The following GRIK1 variants were observed in gnomAD, a reference collection of about 807,000 sequenced individuals.
The protein encoded by GRIK1 is glutamate ionotropic receptor kainate type subunit 1, also known as glutamate receptor ionotropic, kainate 1.
A neutral mutation model predicts 105.7 loss-of-function variants in GRIK1; 69 were observed. The observed-to-expected ratio is 0.65, with a 90% CI of 0.54 to 0.80. GRIK1 has a LOEUF of 0.80. Among genes scored for constraint, GRIK1 ranks in the 30% least tolerant of loss-of-function variants. The pLI is 0.00. For synonymous variants in GRIK1, 438 were observed against 431.3 expected, an observed-to-expected ratio of 1.02 and a Z score of -0.19; for missense variants, 1,109 against 1,167.3, an observed-to-expected ratio of 0.95 and a Z score of 0.73.
intron 1 of GRIK1, among the ~76,000 whole-genome samples, chr21:29,730,804 C>A (rs1223434173): frequency 6.6e-6 from 1 of 152,074 alleles, no homozygotes; most frequent in African/African-American, 2.4e-5. Context: ...TTAGCCTACA[C>A]TTTTGTCCTA....
chr21:29,782,293 A>G (rs567175598), intron 1 of GRIK1, among the ~76,000 whole-genome samples: 25 of 151,988 alleles, frequency 1.6e-4, no homozygotes, highest in Non-Finnish European at 2.5e-4. Context: ...TCACCGTGTT[A>G]GCCAGGATGG....
intron 1 of GRIK1, among the ~76,000 whole-genome samples, chr21:29,855,314 C>G (rs558801998): frequency 6.6e-6 from 1 of 152,110 alleles, no homozygotes; most frequent in South Asian, 2.1e-4. Context: ...TCTATAGAGA[C>G]AATTAAAATA....
chr21:29,890,589 G>A (rs553257546), intron 1 of GRIK1, among the ~76,000 whole-genome samples: 1 of 152,166 alleles, frequency 6.6e-6, no homozygotes, highest in African/African-American at 2.4e-5. Context: ...AATAACACAT[G>A]TTGTATAATA....
chr21:29,591,636 G>A (rs2061335727), intron 9 of GRIK1, among the ~76,000 whole-genome samples: 2 of 152,084 alleles, frequency 1.3e-5, no homozygotes, highest in African/African-American at 4.8e-5. Context: ...CTTCCCTTGT[G>A]GAGCTTACAT....
At chr21:29,743,271 A>T (rs923824334) in intron 1 of GRIK1, among the ~76,000 whole-genome samples, 3 of 152,216 alleles carry the variant, frequency 2.0e-5, no homozygotes, top group Non-Finnish European at 2.9e-5. Context: ...GCTTTAAAAA[A>T]TTTCAAAATA....
chr21:29,863,246 C>A (rs189487660), intron 1 of GRIK1, among the ~76,000 whole-genome samples: 1 of 152,110 alleles, frequency 6.6e-6, no homozygotes, highest in African/African-American at 2.4e-5. Flanking sequence ...TCTTGATATC[C>A]GTTGCTAGAA....
intron 1 of GRIK1, among the ~76,000 whole-genome samples, chr21:29,888,947 T>C (rs771929596): frequency 3.9e-5 from 6 of 152,202 alleles, no homozygotes. Flanking sequence ...TATTCCATCC[T>C]GTTTTTTTGT....
At chr21:29,623,713 A>G (rs1280406734) in intron 7 of GRIK1, among the ~76,000 whole-genome samples, 1 of 152,222 alleles carries the variant, frequency 6.6e-6, no homozygotes, top group Admixed American at 6.5e-5. Flanking sequence ...ATTAATTTCA[A>G]AAGTTCATAC....
intron 1 of GRIK1, among the ~76,000 whole-genome samples, chr21:29,762,968 T>A (rs1187926547): frequency 2.0e-5 from 3 of 152,256 alleles, no homozygotes; most frequent in African/African-American, 7.2e-5. Context: ...CTCCCATTCC[T>A]CCAGGTTTCT....
At chr21:29,835,474 T>C (rs929643277) in intron 1 of GRIK1, among the ~76,000 whole-genome samples, 3 of 152,190 alleles carry the variant, frequency 2.0e-5, no homozygotes, top group Non-Finnish European at 4.4e-5. Flanking sequence ...AGACTGTTCA[T>C]CAAATCCACT....
At chr21:29,721,594 T>A in intron 1 of GRIK1, among the ~76,000 whole-genome samples, 3 of 138,024 alleles carry the variant, frequency 2.2e-5, no homozygotes, top group African/African-American at 5.7e-5. Context: ...AGCAGGAGAA[T>A]ACATACCAAA....
At chr21:29,633,977 C>T (rs147786725) in intron 7 of GRIK1, among the ~76,000 whole-genome samples, 1 of 152,246 alleles carries the variant, frequency 6.6e-6, no homozygotes, top group East Asian at 1.9e-4. Flanking sequence ...GATCAAATGG[C>T]ATGCATTAAT....
chr21:29,754,377 G>A (rs1475840711), intron 1 of GRIK1, among the ~76,000 whole-genome samples: 1 of 152,106 alleles, frequency 6.6e-6, no homozygotes, highest in Non-Finnish European at 1.5e-5. Context: ...GAATATGGAA[G>A]GAAAAACTAA....
intron 15 of GRIK1, among the ~76,000 whole-genome samples, chr21:29,560,507 CCTTCCTTCCTTCCTTTCTTTCTTTCTTT>C (rs1311459961): frequency 1.7e-4 from 5 of 30,132 alleles, no homozygotes; most frequent in South Asian, 1.0e-3. Flanking sequence ...TTCCTTCCTT[CCTTCCTTCCTTCCTTTCTTTCTTTCTTT>C]CTTTCTTTCT....
intron 16 of GRIK1, among the ~76,000 whole-genome samples, chr21:29,552,611 C>T (rs2090153570): frequency 6.6e-6 from 1 of 151,994 alleles, no homozygotes; most frequent in Admixed American, 6.6e-5. Context: ...CCAAGAACAA[C>T]CCCTCTATCT....
chr21:29,586,325 G>A (rs751491063), intron 12 of GRIK1, among the ~76,000 whole-genome samples: 3 of 152,158 alleles, frequency 2.0e-5, no homozygotes, highest in Non-Finnish European at 4.4e-5. Flanking sequence ...TGTCTGCCTT[G>A]TGGATCTTTA....
intron 1 of GRIK1, chr21:29,748,248 C>A (rs1472114464): frequency 6.6e-6 from 1 of 152,222 alleles, no homozygotes; most frequent in African/African-American, 2.4e-5. Context: ...GGCTCAGCCA[C>A]CAAAAGTTTC....
At chr21:29,647,109 G>A (rs964656199) in intron 6 of GRIK1, among the ~76,000 whole-genome samples, 1 of 152,304 alleles carries the variant, frequency 6.6e-6, no homozygotes, top group East Asian at 1.9e-4. Flanking sequence ...TTCCCAAAGT[G>A]TTGGGATTAC....
chr21:29,579,082 T>C (rs2146247747), intron 13 of GRIK1, among the ~76,000 whole-genome samples: 1 of 152,282 alleles, frequency 6.6e-6, no homozygotes, highest in South Asian at 2.1e-4. Context: ...CAACAGGCTG[T>C]TGACATGTAA....
Sources: allele counts gnomAD v4.1 joint callset (sites outside exome capture counted in the v4.1 genomes callset), GRCh38; gene constraint gnomAD v4.1.1; transcripts MANE v1.5; gene names NCBI Gene and HGNC (gene_info 2026-07-23, HGNC 2026-07-21).